The following TIAM2 variants were observed in gnomAD, a reference collection of about 807,000 sequenced individuals.
TIAM2 encodes the protein TIAM Rac1 associated GEF 2, also known as rho guanine nucleotide exchange factor TIAM2.
Under a neutral mutation model 152.9 loss-of-function variants are expected in TIAM2, and 80 were observed. That is an observed-to-expected ratio of 0.52 (90% CI 0.44 to 0.63). The LOEUF (loss-of-function observed/expected upper bound fraction) is 0.63, where lower values mean the gene tolerates loss of function less well. Among genes scored for constraint, TIAM2 ranks in the 30% least tolerant of loss-of-function variants. The pLI is 0.00. For missense variants in TIAM2, 1,965 were observed against 2,120.1 expected, an observed-to-expected ratio of 0.93 and a Z score of 1.44; for synonymous variants, 804 against 838.0, an observed-to-expected ratio of 0.96 and a Z score of 0.70.
At position 155,253,065 on chromosome 6, in the gene TIAM2, G is replaced by A. The variant is rs372884689; in HGVS notation, c.4225+12G>A. On this transcript the variant is annotated intron_variant, in intron 24 of 26. Coordinates refer to ENST00000682666, the MANE Select transcript of TIAM2 (RefSeq NM_012454.4). ...GGGGAATCCAGCAGGTAACTGTTTC[G>A]TGCAGTATGATGCCAGAAAAAGCAT... The A allele has an allele frequency of 8.7e-6, 14 of 1,605,344 alleles. No individual in the cohort carries two copies. Among genetic ancestry groups the A allele is most frequent in the African/African-American group, 2.7e-5 (2 of 74,692 alleles).
intron 14 of TIAM2, among the ~76,000 whole-genome samples, chr6:155,209,908 C>T (rs1383473975): frequency 1.3e-5 from 2 of 152,202 alleles, no homozygotes; most frequent in African/African-American, 4.8e-5. Context: ...TCTAAAGGTT[C>T]TCCAGAAACC....
At chr6:155,217,677 G>T (rs1188389627) in intron 15 of TIAM2, among the ~76,000 whole-genome samples, 1 of 152,160 alleles carries the variant, frequency 6.6e-6, no homozygotes, top group Non-Finnish European at 1.5e-5. Context: ...TGTCGCTTTG[G>T]CAGGGATTAT....
rs41284212 is a variant in TIAM2 at position 155,129,035 on chromosome 6, A to G, written c.-6-183A>G. 3,221 of 598,724 alleles carry G rather than the reference A, an allele frequency of 5.4e-3. 9 individuals carry two copies. The highest frequency in any genetic ancestry group is 7.9e-3 in the Non-Finnish European group (2,682 of 339,402). 37.1% of individuals were successfully genotyped at this position (598,724 alleles called of 1,614,324 possible). On this transcript the variant is annotated intron_variant, in intron 3 of 26. Coordinates refer to ENST00000682666, the MANE Select transcript of TIAM2 (RefSeq NM_012454.4). This position sits in a 1 kb window ranked among gnomAD's most constrained non-coding sequence, Gnocchi z 4.8. ...GGTGTGCAGTGTTGTCTGTCTAGCT[A>G]ATGAGCAGCCTTGCAAAATAAGGAG...
chr6:155,040,337 C>A (rs1777003244), intron 1 of TIAM2, among the ~76,000 whole-genome samples: 1 of 152,216 alleles, frequency 6.6e-6, no homozygotes, highest in African/African-American at 2.4e-5. Flanking sequence ...GTTAGGGGAG[C>A]CATTATCATT....
At chr6:155,243,911 A>T in intron 16 of TIAM2, 100 bp from the exon 17 acceptor site, 4 of 622,528 alleles carry the variant, frequency 6.4e-6, no homozygotes, top group African/African-American at 1.9e-5. Flanking sequence ...CATTATCCTG[A>T]TGGGAGCCTT....
intron 2 of TIAM2, among the ~76,000 whole-genome samples, chr6:155,101,436 A>C (rs985739005): frequency 5.9e-5 from 9 of 152,190 alleles, no homozygotes; most frequent in Admixed American, 3.9e-4. Context: ...GTGCACATTT[A>C]CGTTTGTGAG....
rs763875942 is a variant in TIAM2 at position 155,254,457 on chromosome 6, G to A, written c.4352G>A (p.Arg1451His). The change falls in exon 26 of 27, where the codon CGT becomes CAT. Residue 1451 changes from arginine to histidine, a missense_variant. By Grantham distance (29) the Arg-to-His change is conservative. Around this residue, in one of 3 missense-constraint regions of TIAM2, gnomAD observed 935 missense variants for 980.0 expected, o/e 0.95. Coordinates refer to ENST00000682666, the MANE Select transcript of TIAM2 (RefSeq NM_012454.4). ...AAAACCAACATTGTTAAGGTGATTC[G>A]TTCTATTCTGAGGGAGAACTTCAGG... Reference protein sequence around the residue: ...ESKTNIVKVIRSILRENFRRH... With the variant: ...ESKTNIVKVIHSILRENFRRH... The A allele has an allele frequency of 2.5e-6, 4 of 1,613,932 alleles. No individual in the cohort carries two copies. Among genetic ancestry groups the A allele is most frequent in the Admixed American group, 3.3e-5 (2 of 60,006 alleles).
chr6:155,197,942 G>A (rs1473062845), intron 14 of TIAM2, among the ~76,000 whole-genome samples: 1 of 152,196 alleles, frequency 6.6e-6, no homozygotes, highest in Non-Finnish European at 1.5e-5. Context: ...GTTCACTGGG[G>A]AAAGAGGAGA....
chr6:155,058,793 T>C (rs1777505816), intron 1 of TIAM2, among the ~76,000 whole-genome samples: 1 of 152,178 alleles, frequency 6.6e-6, no homozygotes, highest in Admixed American at 6.5e-5. Context: ...GCGGTCTCAA[T>C]AGATAATTAT....
chr6:155,251,098 C>T (rs1783628125), intron 22 of TIAM2, 77 bp downstream of exon 22: 3 of 1,252,430 alleles, frequency 2.4e-6, no homozygotes, highest in Non-Finnish European at 2.3e-6. Context: ...CGCACCAGTC[C>T]AGCTCACTCC....
chr6:155,244,916 C>T, intron 18 of TIAM2, 133 bp downstream of exon 18: 1 of 1,156,692 alleles, frequency 8.6e-7, no homozygotes, highest in Non-Finnish European at 1.2e-6. Context: ...TGACTATTTC[C>T]TTGCACCGTT....
chr6:155,096,291 A>G (rs973620284), intron 2 of TIAM2, among the ~76,000 whole-genome samples: 2 of 152,186 alleles, frequency 1.3e-5, no homozygotes, highest in Non-Finnish European at 2.9e-5. Context: ...TATAATTTGT[A>G]AAGATCAAAT....
At chr6:155,039,036 A>G (rs980434989) in intron 1 of TIAM2, among the ~76,000 whole-genome samples, 12 of 142,406 alleles carry the variant, frequency 8.4e-5, no homozygotes, top group East Asian at 4.2e-4. Flanking sequence ...TTTTGGCTCA[A>G]TGCAGCCTCA....
At chr6:155,235,236 C>G (rs1782694821) in intron 15 of TIAM2, among the ~76,000 whole-genome samples, 1 of 152,208 alleles carries the variant, frequency 6.6e-6, no homozygotes, top group Non-Finnish European at 1.5e-5. Context: ...CACGAGTTTC[C>G]TTTTCTTCTT....
At chr6:155,155,951 G>T (rs576204432) in intron 7 of TIAM2, among the ~76,000 whole-genome samples, 1 of 152,208 alleles carries the variant, frequency 6.6e-6, no homozygotes, top group Non-Finnish European at 1.5e-5. Flanking sequence ...AGTGACAGTG[G>T]CACCTGCTAG....
intron 14 of TIAM2, among the ~76,000 whole-genome samples, chr6:155,202,090 A>G (rs1252235600): frequency 2.6e-5 from 4 of 152,258 alleles, no homozygotes; most frequent in Non-Finnish European, 5.9e-5. Context: ...ATTTTTATCT[A>G]TATTAAGAGT....
Position 155,075,205 on chromosome 6 carries a change from C to T in TIAM2, c.-208-15084C>T, listed in dbSNP as rs556979234. 5.3e-5 allele frequency among the ~76,000 whole-genome samples: 8 copies of T among 152,256 alleles called. No individual in the cohort carries two copies. The East Asian group carries it at 1.3e-3, about 26-fold the overall frequency. On this transcript the variant is annotated intron_variant, in intron 1 of 26. Coordinates refer to ENST00000682666, the MANE Select transcript of TIAM2 (RefSeq NM_012454.4). ...AGTTGACAAAGTAAAAAGAAAAATT[C>T]TCTGCATAATTATTAATAGTACAGA...
intron 1 of TIAM2, among the ~76,000 whole-genome samples, chr6:155,024,106 T>A (rs1341012500): frequency 6.6e-6 from 1 of 152,176 alleles, no homozygotes; most frequent in African/African-American, 2.4e-5. Context: ...TGAGCTGGGT[T>A]TTGACCTTGT....
At chr6:155,230,360 C>T (rs980805052) in intron 15 of TIAM2, among the ~76,000 whole-genome samples, 1 of 152,236 alleles carries the variant, frequency 6.6e-6, no homozygotes. Context: ...GTGCTTCCCC[C>T]AGCCCCAAGC....
Sources: allele counts gnomAD v4.1 joint callset (sites outside exome capture counted in the v4.1 genomes callset), GRCh38; gene constraint gnomAD v4.1.1; regional missense constraint gnomAD v4.1.1; non-coding constraint Gnocchi (gnomAD v3.1); transcripts MANE v1.5; gene names NCBI Gene and HGNC (gene_info 2026-07-23, HGNC 2026-07-21).